CDH24: variants seen among roughly 807,000 people sequenced by gnomAD.
The protein encoded by CDH24 is cadherin-24.
CDH24 carries 61 observed loss-of-function variants against 71.2 expected under a neutral mutation model. That is an observed-to-expected ratio of 0.86 (90% CI 0.70 to 1.06). The LOEUF (loss-of-function observed/expected upper bound fraction) is 1.06. Among genes scored for constraint, CDH24 ranks in the 50% least tolerant of loss-of-function variants. The pLI, the probability that CDH24 is intolerant of heterozygous loss-of-function variation, is 0.00. For missense variants in CDH24, 961 were observed against 1,083.7 expected (o/e 0.89, Z 1.59); for synonymous variants, 440 against 470.2 (o/e 0.94, Z 0.83).
At chr14:23,050,272 T>C (rs2047076396) in intron 8 of CDH24, 1 of 230,374 alleles carries the variant, frequency 4.3e-6, no homozygotes, top group African/African-American at 2.3e-5. Context: ...TGCATACGAG[T>C]TGCATGCAGA....
In CDH24 at chr14:23,057,017, T is replaced by C. The variant is rs1444800010; in HGVS notation, c.-125+386A>G. Among the ~76,000 whole-genome samples the C allele has an allele frequency of 2.0e-5, 3 of 146,406 alleles. No homozygotes were observed. Among genetic ancestry groups the C allele is most frequent in the African/African-American group, 7.6e-5 (3 of 39,334 alleles). On this transcript the variant is annotated intron_variant, in intron 1 of 12. Coordinates refer to ENST00000487137, the MANE Select transcript of CDH24 (RefSeq NM_144985.4). This position sits in a 1 kb window ranked among gnomAD's most constrained non-coding sequence, Gnocchi z 5.4. ...GGGGATAGAGGAGTGGGAAACAGGA[T>C]AGCAGGAAGGGGAGAGGAGAGGGAG...
chr14:23,048,404 C>CCTCCTCCA lies in CDH24; in HGVS notation c.1921_1922insTGGAGGAG (p.Arg641LeufsTer165). 5.0e-6 allele frequency: 8 copies of CCTCCTCCA among 1,612,462 alleles called. No homozygotes were observed. Among genetic ancestry groups the CCTCCTCCA allele is most frequent in the Non-Finnish European group, 5.9e-6 (7 of 1,179,622 alleles). Reference sequence around the variant, plus strand: ...GTCGTCGTAGGTGATGATGTTCTCTCGGACGTCCTCCTCCTCCAGTACCAT... The same window carrying CCTCCTCCA: ...GTCGTCGTAGGTGATGATGTTCTCTCCTCCTCCAGGACGTCCTCCTCCTCCAGTACCAT... On this transcript the variant is annotated frameshift_variant, in exon 12 of 13. Coordinates refer to ENST00000487137, the MANE Select transcript of CDH24 (RefSeq NM_144985.4). LOFTEE classifies it high-confidence loss of function.
At chr14:23,048,827 C>T (rs138029752) in intron 11 of CDH24, among the ~76,000 whole-genome samples, 200 bp downstream of exon 11, 8 of 152,318 alleles carry the variant, frequency 5.3e-5, no homozygotes, top group Admixed American at 5.2e-4. Context: ...ATTGTTATGG[C>T]TTGTCATTGT....
chr14:23,047,949 C>T lies in CDH24; in HGVS notation c.*31G>A, dbSNP rs566075231. 9.8e-5 allele frequency: 126 copies of T among 1,290,234 alleles called. No homozygotes were observed. Among genetic ancestry groups the T allele is most frequent in the Non-Finnish European group, 8.7e-5 (89 of 1,022,092 alleles). 79.9% of individuals were successfully genotyped at this position (1,290,234 alleles called of 1,614,324 possible). ...CAGAGGGCCTGTGCCCGCTGCCCCC[C>T]CCCCGCGGTGGGCCGGGCCAGCCCG... On this transcript the variant is annotated 3_prime_UTR_variant, in exon 12 of 13. Coordinates refer to ENST00000487137, the MANE Select transcript of CDH24 (RefSeq NM_144985.4).
At chr14:23,052,710 A>C in intron 7 of CDH24, 101 bp from the exon 8 acceptor site, 364 of 1,224,398 alleles carry the variant, frequency 3.0e-4, no homozygotes, top group Middle Eastern at 5.8e-4. Context: ...GTCAGACCTC[A>C]TGACTCCTCT....
intron 7 of CDH24, among the ~76,000 whole-genome samples, chr14:23,052,982 A>C (rs746496016): frequency 2.0e-5 from 3 of 151,956 alleles, no homozygotes; most frequent in Non-Finnish European, 4.4e-5. Flanking sequence ...TTTAACCTCT[A>C]TTTACTCAAC....
rs777342836 is a variant in CDH24, at chr14:23,054,563, T to C, written c.727A>G (p.Thr243Ala). 3 of 1,614,028 alleles carry C rather than the reference T, an allele frequency of 1.9e-6. No homozygotes were observed. Among genetic ancestry groups the C allele is most frequent in the Non-Finnish European group, 2.5e-6 (3 of 1,179,984 alleles). ...GGHMGGLSGS[T>A]TVTVTLSDVN... ...TCGCTGAGCGTGACAGTCACCGTAG[T>C]GCTGCCTGACAGCCCCCCCATGTGG... The change falls in exon 5 of 13, where the codon ACT (threonine) becomes GCT (alanine). Residue 243 changes from threonine to alanine, a missense_variant. By Grantham distance (58) the Thr-to-Ala change is moderately conservative. Transcript: ENST00000487137. This position sits in a 1 kb window ranked among gnomAD's most constrained non-coding sequence, Gnocchi z 5.2.
In CDH24 at chr14:23,055,364, C is replaced by T. The variant is rs375706064; in HGVS notation, c.202-11G>A. 491 of 1,601,434 alleles carry T rather than the reference C, an allele frequency of 3.1e-4. No individual in the cohort carries two copies. The highest frequency in any genetic ancestry group is 3.9e-4 in the Non-Finnish European group (453 of 1,169,762). On this transcript the variant is annotated splice_polypyrimidine_tract_variant and intron_variant, in intron 2 of 12. Transcript: ENST00000487137. The surrounding 1 kb of genome is among the most constrained non-coding windows in gnomAD (Gnocchi z 4.1). ...AACATCCGAGTGCAGCTGCAGGGGT[C>T]ACGAAAAGATGGCAGAGGGCTCCAA...
intron 8 of CDH24, chr14:23,052,132 G>T (rs1459604436): frequency 9.8e-7 from 1 of 1,016,498 alleles, no homozygotes; most frequent in South Asian, 1.4e-5. Flanking sequence ...ACAGGTTGGG[G>T]GCTATGTAAG....
Position 23,051,884 on chromosome 14 carries a change from CTGAACCCG to C in CDH24, c.1363+581_1363+588del. The stretch of plus-strand genomic sequence containing the variant: ...ATGGGCTAGGGCTGCCCAGAGGCAG[CTGAACCCG>C]CTGCTGGCCTGACTGATGGGGGAGA... On this transcript the variant is annotated intron_variant, in intron 8 of 12. Coordinates refer to ENST00000487137, the MANE Select transcript of CDH24 (RefSeq NM_144985.4). This position sits in a 1 kb window ranked among gnomAD's most constrained non-coding sequence, Gnocchi z 4.4. The C allele has an allele frequency of 1.3e-6, 1 of 743,610 alleles. No homozygotes were observed. Among genetic ancestry groups the C allele is most frequent in the Non-Finnish European group, 2.2e-6 (1 of 458,002 alleles). The allele number at this position is 743,610 out of a possible 1,614,324, so 46.1% of individuals were successfully genotyped here.
At position 23,054,075 on chromosome 14, in the gene CDH24, A is replaced by T. The variant is rs533878131; in HGVS notation, c.972+66T>A. On this transcript the variant is annotated intron_variant, in intron 6 of 12. Coordinates refer to ENST00000487137, the MANE Select transcript of CDH24 (RefSeq NM_144985.4). The surrounding 1 kb of genome is among the most constrained non-coding windows in gnomAD (Gnocchi z 5.2). Reference sequence around the variant, plus strand: ...TGAGTCTGTTCTAGAAGAACAGTTAAATATGTGCCCTGTGGGTCGGCAGGA... The same window carrying T: ...TGAGTCTGTTCTAGAAGAACAGTTATATATGTGCCCTGTGGGTCGGCAGGA... 11 of 1,472,844 alleles carry T rather than the reference A, an allele frequency of 7.5e-6. No homozygotes were observed. In the South Asian group the frequency reaches 1.4e-4, roughly 19 times the overall value. The allele number at this position is 1,472,844 out of a possible 1,614,324, so 91.2% of individuals were successfully genotyped here. A position where few individuals can be genotyped will look rare whatever the true frequency, so the allele number is the denominator to read the frequency against.
rs2047072132 is a variant in CDH24, at chr14:23,049,865, T to G, written c.1442A>C (p.Glu481Ala). The G allele has an allele frequency of 5.0e-6, 8 of 1,614,030 alleles. No homozygotes were observed. Among genetic ancestry groups the G allele is most frequent in the African/African-American group, 2.7e-5 (2 of 75,016 alleles). Residue 481 changes from glutamate to alanine, a missense_variant, in exon 9 of 13, where the codon GAG (glutamate) becomes GCG (alanine). By Grantham distance (107) the Glu-to-Ala change is moderately radical (BLOSUM62 -1). Transcript: ENST00000487137. The stretch of plus-strand genomic sequence containing the variant: ...GTCACACACAAAAGTATCGTAGGGC[T>G]CAGCCAGCTGGGGAGCATTGTCATT... ...DENDNAPQLA[E>A]PYDTFVCDSA...
chr14:23,049,404 G>C (rs1372716443), intron 10 of CDH24, 129 bp from the exon 11 acceptor site: 1 of 913,936 alleles, frequency 1.1e-6, no homozygotes, highest in Non-Finnish European at 1.6e-6. Flanking sequence ...AGCCCATAGA[G>C]CCAGCTTCCC....
chr14:23,050,795 T>TA (rs1043601709), intron 8 of CDH24, among the ~76,000 whole-genome samples: 3 of 152,276 alleles, frequency 2.0e-5, no homozygotes, highest in African/African-American at 7.2e-5. Flanking sequence ...CCAATTCCTT[T>TA]AGTCTTTCCC....
intron 7 of CDH24, 122 bp downstream of exon 7, chr14:23,053,374 A>G: frequency 8.3e-7 from 1 of 1,204,338 alleles, no homozygotes; most frequent in Non-Finnish European, 1.1e-6. Flanking sequence ...GCCCAGCTGC[A>G]GGGAGGGAGG....
Position 23,055,255 on chromosome 14 carries a change from A to G in CDH24, c.300T>C (p.Asn100=). 2 of 1,614,100 alleles carry G rather than the reference A, an allele frequency of 1.2e-6. No homozygotes were observed. Among genetic ancestry groups the G allele is most frequent in the Non-Finnish European group, 1.7e-6 (2 of 1,179,996 alleles). The change falls in exon 3 of 13, where the codon AAT becomes AAC. Residue 100 remains asparagine, a synonymous_variant. Transcript: ENST00000487137. The surrounding 1 kb of genome is among the most constrained non-coding windows in gnomAD (Gnocchi z 4.1). ...GGTCAAGGCTCTTGGTAACATGAAT[A>G]TTGCCTGTGGCCTCATCAATCACAA... ...TVFVIDEATG[N]IHVTKSLDRE...
intron 8 of CDH24, 55 bp downstream of exon 8, chr14:23,052,418 G>C (rs186696970): frequency 1.2e-5 from 19 of 1,603,768 alleles, no homozygotes; most frequent in Middle Eastern, 3.3e-4. Flanking sequence ...CCACACCCAG[G>C]GACAGCTCCT....
Position 23,054,677 on chromosome 14 carries a change from G to C in CDH24, c.617-4C>G. 6.2e-7 allele frequency: 1 copy of C among 1,613,912 alleles called. No individual in the cohort carries two copies. Among genetic ancestry groups the C allele is most frequent in the Non-Finnish European group, 8.5e-7 (1 of 1,179,900 alleles). ...GGGATGGCTGTACGCACCACTCCTA[G>C]GGAGAGATGCTGGTCAGAGGGTGTC... On this transcript the variant is annotated splice_region_variant and splice_polypyrimidine_tract_variant and intron_variant, in intron 4 of 12. Coordinates refer to ENST00000487137, the MANE Select transcript of CDH24 (RefSeq NM_144985.4). This position sits in a 1 kb window ranked among gnomAD's most constrained non-coding sequence, Gnocchi z 5.2.
At position 23,049,822 on chromosome 14, in the gene CDH24, C is replaced by T. The variant is rs2047071648; in HGVS notation, c.1485G>A (p.Gln495=). The T allele has an allele frequency of 1.9e-6, 3 of 1,613,960 alleles. No homozygotes were observed. The highest frequency in any genetic ancestry group is 2.5e-6 in the Non-Finnish European group (3 of 1,179,910). ...TFVCDSAAPG[Q]LIQVIRALDR... ...CAACCCCTCTGCCTCAGTTGCTCACCTGGCCAGGAGCTGCAGAGTCACACA... is the reference window on the plus strand; with the variant it reads ...CAACCCCTCTGCCTCAGTTGCTCACTTGGCCAGGAGCTGCAGAGTCACACA... Residue 495 remains glutamine (Q), a splice_region_variant and synonymous_variant, in exon 9 of 13, where the codon CAG becomes CAA. Transcript: ENST00000487137.
Sources: gnomAD v4.1 joint callset for allele counts (sites outside exome capture counted in the v4.1 genomes callset) on GRCh38, gnomAD v4.1.1 for gene constraint, Gnocchi (gnomAD v3.1) non-coding constraint, MANE v1.5 for transcripts, NCBI Gene and HGNC (gene_info 2026-07-23, HGNC 2026-07-21) for gene names.